The following MYH9 variants were observed in gnomAD, a reference collection of about 807,000 sequenced individuals.
MYH9 encodes myosin-9.
MYH9 carries 29 observed loss-of-function variants against 241.9 expected under a neutral mutation model. The ratio of observed to expected loss-of-function variants is 0.12; its 90% CI spans 0.09 to 0.16. MYH9 has a LOEUF of 0.16. Among genes scored for constraint, MYH9 ranks in the 10% least tolerant of loss-of-function variants. The pLI is 1.00. For synonymous variants in MYH9, 1,047 were observed against 1,062.6 expected (o/e 0.99, Z 0.29); for missense variants, 1,803 against 2,595.5 (o/e 0.69, Z 6.63).
chr22:36,352,617 C>T (rs534523142), intron 1 of MYH9, among the ~76,000 whole-genome samples: 42 of 152,286 alleles, frequency 2.8e-4, no homozygotes, highest in African/African-American at 9.6e-4. Context: ...AGAACCTCAC[C>T]CTGTCCGACT....
rs1437053616 is a variant in MYH9 at position 36,321,608 on chromosome 22, G to C, written c.769+150C>G. ...GCTCTGTGTTGGGTTTGCACTAGCC[G>C]ATCCTGACAGTCCCCTAGCTCCACA... On this transcript the variant is annotated intron_variant, in intron 7 of 40. Transcript: ENST00000216181. 5 of 806,434 alleles carry C rather than the reference G, an allele frequency of 6.2e-6. No individual in the cohort carries two copies. In the African/African-American group the frequency reaches 6.7e-5, roughly 11 times the overall value. The allele number at this position is 806,434 out of a possible 1,614,324, so 50.0% of individuals were successfully genotyped here.
At chr22:36,369,494 T>G (rs1344683984) in intron 1 of MYH9, among the ~76,000 whole-genome samples, 1 of 152,104 alleles carries the variant, frequency 6.6e-6, no homozygotes, top group Non-Finnish European at 1.5e-5. Context: ...GGGGGCGGTA[T>G]CCATTCTTCA....
At chr22:36,338,371 C>T (rs1023299156) in intron 3 of MYH9, among the ~76,000 whole-genome samples, 2 of 152,144 alleles carry the variant, frequency 1.3e-5, no homozygotes, top group Admixed American at 6.5e-5. Flanking sequence ...GCAGCAAGTC[C>T]AATGCTAGCA....
chr22:36,292,307 G>A, intron 30 of MYH9, 73 bp from the exon 31 acceptor site: 1 of 1,595,494 alleles, frequency 6.3e-7, no homozygotes, highest in Non-Finnish European at 8.6e-7. Context: ...CCCTGGGGCA[G>A]CTGGGAGCCT....
intron 1 of MYH9, among the ~76,000 whole-genome samples, chr22:36,381,237 G>A (rs745808373): frequency 3.3e-5 from 5 of 152,142 alleles, no homozygotes; most frequent in South Asian, 2.1e-4. Flanking sequence ...CAATATGGCC[G>A]GGCACACTGG....
intron 2 of MYH9, among the ~76,000 whole-genome samples, chr22:36,342,404 T>C (rs138327722): frequency 3.9e-5 from 6 of 152,196 alleles, no homozygotes; most frequent in African/African-American, 1.2e-4. Flanking sequence ...ATGAAGCACA[T>C]AGCACAGCAC....
At chr22:36,302,457 G>A (rs1003126448) in intron 20 of MYH9, 111 bp downstream of exon 20, 2 of 949,262 alleles carry the variant, frequency 2.1e-6, no homozygotes, top group African/African-American at 3.2e-5. Context: ...TGACCAACCT[G>A]GGCGACATGG....
chr22:36,359,234 T>C (rs2017899950), intron 1 of MYH9, among the ~76,000 whole-genome samples: 1 of 152,260 alleles, frequency 6.6e-6, no homozygotes, highest in Non-Finnish European at 1.5e-5. Flanking sequence ...GTCTCATTCA[T>C]CAATTCCAAA....
chr22:36,379,463 C>T lies in MYH9; in HGVS notation c.-20+8344G>A, dbSNP rs545077803. On this transcript the variant is annotated intron_variant, in intron 1 of 40. Transcript: ENST00000216181. ...GGTGGAGCGTGCAGTGAGCTGAGATCGCGCCACTGCACTCCAGCCTGGGTG... is the reference window on the plus strand; with the variant it reads ...GGTGGAGCGTGCAGTGAGCTGAGATTGCGCCACTGCACTCCAGCCTGGGTG... Among the ~76,000 whole-genome samples, 5 of 152,260 alleles carry T rather than the reference C, an allele frequency of 3.3e-5. No homozygotes were observed. The East Asian group carries it at 7.7e-4, about 24-fold the overall frequency.
In MYH9 at chr22:36,320,704, A is replaced by G. The variant is rs2017236162; in HGVS notation, c.868+94T>C. On this transcript the variant is annotated intron_variant, in intron 8 of 40. Transcript: ENST00000216181. The surrounding 1 kb of genome is among the most constrained non-coding windows in gnomAD (Gnocchi z 4.8). ...TCTCCCCGTTAAACCCAAGGCCAAA[A>G]GTTTTCATTTCCCAAATGATGTCTA... The G allele has an allele frequency of 1.8e-6, 2 of 1,129,584 alleles. No homozygotes were observed. Among genetic ancestry groups the G allele is most frequent in the African/African-American group, 3.1e-5 (2 of 65,052 alleles). 70.0% of individuals were successfully genotyped at this position (1,129,584 alleles called of 1,614,324 possible). A position where few individuals can be genotyped will look rare whatever the true frequency, so the allele number is the denominator to read the frequency against.
At chr22:36,283,957 C>A (rs1345774539) in intron 40 of MYH9, 136 bp downstream of exon 40, 11 of 1,048,968 alleles carry the variant, frequency 1.0e-5, no homozygotes, top group Admixed American at 5.1e-5. Context: ...AGGCAAGGAG[C>A]CAGAAGGGGC....
chr22:36,284,535 A>C, intron 38 of MYH9, 24 bp from the exon 39 acceptor site: 1 of 1,607,924 alleles, frequency 6.2e-7, no homozygotes, highest in Non-Finnish European at 8.5e-7. Flanking sequence ...AAGGTGGCTC[A>C]GAGGGAACAC....
At chr22:36,307,819 C>T (rs1002809789) in intron 15 of MYH9, among the ~76,000 whole-genome samples, 1 of 150,074 alleles carries the variant, frequency 6.7e-6, no homozygotes, top group South Asian at 2.1e-4. Flanking sequence ...ACCCAGGAGG[C>T]GGAGGTTGCA....
At position 36,300,401 on chromosome 22, in the gene MYH9, TG is replaced by T; in HGVS notation, c.2839-138del. 1 of 1,310,666 alleles carries T rather than the reference TG, an allele frequency of 7.6e-7. No homozygotes were observed. The highest frequency in any genetic ancestry group is 1.1e-6 in the Non-Finnish European group (1 of 935,170). 81.2% of individuals were successfully genotyped at this position (1,310,666 alleles called of 1,614,324 possible). A position where few individuals can be genotyped will look rare whatever the true frequency, so the allele number is the denominator to read the frequency against. On this transcript the variant is annotated intron_variant, in intron 22 of 40. Coordinates refer to ENST00000216181, the MANE Select transcript of MYH9 (RefSeq NM_002473.6). The surrounding 1 kb of genome is among the most constrained non-coding windows in gnomAD (Gnocchi z 5.0). ...TGTGAGCCCAGGGCCATGGCTGAGG[TG>T]GGGACGGCAAGGTCCGCCAGCCCAG... is the stretch of plus-strand genomic sequence containing the variant.
rs2016977235 is a variant in MYH9 at position 36,306,725 on chromosome 22, C to G, written c.1844-118G>C. Reference sequence around the variant, plus strand: ...CAGGAAAAGAGGAGACAGAATGAAACAACAGGACCCTTTCCAATTGGAGCC... The same window carrying G: ...CAGGAAAAGAGGAGACAGAATGAAAGAACAGGACCCTTTCCAATTGGAGCC... On this transcript the variant is annotated intron_variant, in intron 15 of 40. Transcript: ENST00000216181. The surrounding 1 kb of genome is among the most constrained non-coding windows in gnomAD (Gnocchi z 4.1). The G allele has an allele frequency of 9.7e-7, 1 of 1,035,136 alleles. No individual in the cohort carries two copies. 64.1% of individuals were successfully genotyped at this position (1,035,136 alleles called of 1,614,324 possible).
chr22:36,321,392 T>G (rs2146364134), intron 7 of MYH9, among the ~76,000 whole-genome samples: 1 of 152,310 alleles, frequency 6.6e-6, no homozygotes. Flanking sequence ...AGCTCACACC[T>G]TCGAGAGCCT....
intron 12 of MYH9, 46 bp downstream of exon 12, chr22:36,316,471 A>G (rs2017154149): frequency 3.1e-6 from 5 of 1,613,832 alleles, no homozygotes; most frequent in Non-Finnish European, 4.2e-6. Flanking sequence ...AAGGCAACCA[A>G]CAGGCCAAGG....
Position 36,302,389 on chromosome 22 carries a change from T to A in MYH9, c.2499+179A>T. The A allele has an allele frequency of 8.5e-6, 5 of 585,612 alleles. No individual in the cohort carries two copies. In the South Asian group the frequency reaches 8.7e-5, roughly 10 times the overall value. 36.3% of individuals were successfully genotyped at this position (585,612 alleles called of 1,614,324 possible). On this transcript the variant is annotated intron_variant, in intron 20 of 40. Transcript: ENST00000216181. ...AGGGCCGGGCACAGTGGCTCATGCC[T>A]GTAATTCCAGCACTTTGGGAGGCTG... is the stretch of plus-strand genomic sequence containing the variant.
chr22:36,340,553 A>G (rs1309187170), intron 3 of MYH9, among the ~76,000 whole-genome samples: 1 of 151,530 alleles, frequency 6.6e-6, no homozygotes, highest in African/African-American at 2.4e-5. Flanking sequence ...CCCAGCTACT[A>G]GGGGGGCTGA....
Sources: gnomAD v4.1 joint callset for allele counts (sites outside exome capture counted in the v4.1 genomes callset) on GRCh38, gnomAD v4.1.1 for gene constraint, Gnocchi (gnomAD v3.1) non-coding constraint, MANE v1.5 for transcripts, NCBI Gene and HGNC (gene_info 2026-07-23, HGNC 2026-07-21) for gene names.